The following SETX variants were observed in gnomAD, a reference collection of about 807,000 sequenced individuals.
SETX encodes the protein helicase senataxin.
In SETX, 90 loss-of-function variants were observed where a neutral mutation model predicts 227.2. The observed-to-expected ratio is 0.40, with a 90% CI of 0.33 to 0.47. The LOEUF is 0.47. SETX is among the 20% of genes least tolerant of loss of function. The pLI is 0.91. For missense variants in SETX, 3,052 were observed against 3,181.5 expected (o/e 0.96, Z 0.98); for synonymous variants, 1,210 against 1,113.2 (o/e 1.09, Z -1.73).
rs575090437 is a variant in SETX, at chr9:132,320,302, G to A, written c.5274+6022C>T. Among the ~76,000 whole-genome samples, 5 of 152,238 alleles carry A rather than the reference G, an allele frequency of 3.3e-5. No homozygotes were observed. In the South Asian group the frequency reaches 8.3e-4, roughly 25 times the overall value. On this transcript the variant is annotated intron_variant, in intron 10 of 25. Coordinates refer to ENST00000224140, the MANE Select transcript of SETX (RefSeq NM_015046.7). Reference sequence around the variant, plus strand: ...CCCAAAAAAAAAGTCTAGGCCGGGCGCAGTGGCTCACGCCTGTAATCCCAG... The same window carrying A: ...CCCAAAAAAAAAGTCTAGGCCGGGCACAGTGGCTCACGCCTGTAATCCCAG...
chr9:132,329,679 G>C lies in SETX; in HGVS notation c.1919C>G (p.Ala640Gly), dbSNP rs998278975. 55 of 1,613,824 alleles carry C rather than the reference G, an allele frequency of 3.4e-5. No homozygotes were observed. Among genetic ancestry groups the C allele is most frequent in the Non-Finnish European group, 4.3e-5 (51 of 1,179,974 alleles). ...TTCTTTAGAAAATGTTGGGCTGGAA[G>C]CTTCCAAACAATGCATATCTTTTCT... ...TSRKDMHCLE[A>G]SSPTFSKEPM... The change falls in exon 10 of 26, where the codon GCT becomes GGT. Residue 640 changes from alanine (A) to glycine (G), a missense_variant. Transcript: ENST00000224140.
rs141440621 is a variant in SETX at position 132,296,997 on chromosome 9, C to T, written c.5839G>A (p.Ala1947Thr). The T allele has an allele frequency of 1.9e-5, 30 of 1,613,556 alleles. No homozygotes were observed. The Admixed American group carries it at 2.5e-4, about 13-fold the overall frequency. ...ACTGATGGTGAGTGTTTCACCATAG[C>T]ATATGCAGTTTCTATTGCTTTCTTT... The part of the protein sequence containing the change: ...DQKKAIETAY[A>T]MVKHSPSVAK... The change falls in exon 14 of 26, where the codon GCT becomes ACT. Residue 1947 changes from alanine to threonine, a missense_variant. Physicochemically the swap from Ala to Thr is moderately conservative, Grantham distance 58. Around this residue, in one of 10 missense-constraint regions of SETX, gnomAD observed 239 missense variants for 272.1 expected, o/e 0.88. Coordinates refer to ENST00000224140, the MANE Select transcript of SETX (RefSeq NM_015046.7).
chr9:132,305,729 GAC>G (rs1845295926), intron 11 of SETX, among the ~76,000 whole-genome samples: 1 of 152,266 alleles, frequency 6.6e-6, no homozygotes, highest in African/African-American at 2.4e-5. Context: ...GGCCATGAAA[GAC>G]AGAGAGAATG....
At chr9:132,268,132 G>A (rs1489475455) in intron 25 of SETX, among the ~76,000 whole-genome samples, 1 of 152,154 alleles carries the variant, frequency 6.6e-6, no homozygotes, top group Non-Finnish European at 1.5e-5. Flanking sequence ...AGATGCTTAT[G>A]GTCACAGGAA....
intron 17 of SETX, among the ~76,000 whole-genome samples, chr9:132,287,806 C>T (rs1844009266): frequency 6.8e-6 from 1 of 146,370 alleles, no homozygotes; most frequent in South Asian, 2.2e-4. Context: ...TAATCTGAGA[C>T]ACATTTTTAG....
At position 132,326,726 on chromosome 9, in the gene SETX, T is replaced by C. The variant is rs567475841; in HGVS notation, c.4872A>G (p.Leu1624=). 55 of 1,614,092 alleles carry C rather than the reference T, an allele frequency of 3.4e-5. No individual in the cohort carries two copies. Among genetic ancestry groups the C allele is most frequent in the Non-Finnish European group, 4.2e-5 (49 of 1,180,034 alleles). ...ACTGTATCCCCTTTGACTTATTTTT[T>C]AGAGACGGTGAAAGTGCTGAAGAAG... ...LETSSALSPS[L]KNKSKGIQSI... Residue 1624 remains leucine (L), a synonymous_variant, in exon 10 of 26, where the codon CTA becomes CTG. Transcript: ENST00000224140.
chr9:132,298,060 T>G lies in SETX; in HGVS notation c.5781+20A>C. ...AACATCTTAACATGAAATTATCTAG[T>G]ATCATACATCATCACTCACAATTCT... On this transcript the variant is annotated intron_variant, in intron 13 of 25. Transcript: ENST00000224140. 3.9e-6 allele frequency: 6 copies of G among 1,547,772 alleles called. No individual in the cohort carries two copies. Among genetic ancestry groups the G allele is most frequent in the Non-Finnish European group, 4.4e-6 (5 of 1,130,226 alleles).
At chr9:132,284,470 C>G (rs372569359) in intron 18 of SETX, among the ~76,000 whole-genome samples, 2 of 152,196 alleles carry the variant, frequency 1.3e-5, no homozygotes, top group South Asian at 2.1e-4. Context: ...AGCAAAAATA[C>G]TACTAACGTC....
chr9:132,285,725 C>T (rs944513088), intron 18 of SETX, among the ~76,000 whole-genome samples: 1 of 150,396 alleles, frequency 6.6e-6, no homozygotes, highest in Non-Finnish European at 1.5e-5. Context: ...ACTAAAAATA[C>T]AAAATTTAGT....
At chr9:132,317,684 A>G (rs1287600266) in intron 10 of SETX, among the ~76,000 whole-genome samples, 1 of 151,798 alleles carries the variant, frequency 6.6e-6, no homozygotes, top group Non-Finnish European at 1.5e-5. Flanking sequence ...GCTGGTCTCA[A>G]GCTCCCAGGC....
chr9:132,330,991 A>C (rs2131466351), intron 9 of SETX, 61 bp downstream of exon 9: 1 of 1,291,172 alleles, frequency 7.7e-7, no homozygotes, highest in African/African-American at 1.4e-5. Context: ...AAATTATACA[A>C]AATAGTCTAC....
At chr9:132,277,029 A>G (rs767235444) in intron 22 of SETX, 31 bp downstream of exon 22, 1 of 1,546,718 alleles carries the variant, frequency 6.5e-7, no homozygotes, top group Non-Finnish European at 8.9e-7. Flanking sequence ...TTCTGGGACT[A>G]TCAGAGGACT....
chr9:132,324,557 A>G lies in SETX; in HGVS notation c.5274+1767T>C, dbSNP rs1436858496. Reference sequence around the variant, plus strand: ...CCTAGTCACTTGGGTCTCAGTGTAAATATCATCTGCTCATAGAGGTTATCT... The same window carrying G: ...CCTAGTCACTTGGGTCTCAGTGTAAGTATCATCTGCTCATAGAGGTTATCT... On this transcript the variant is annotated intron_variant, in intron 10 of 25. Transcript: ENST00000224140. 7.2e-5 allele frequency among the ~76,000 whole-genome samples: 11 copies of G among 152,148 alleles called. No homozygotes were observed. In the South Asian group the frequency reaches 1.7e-3, roughly 23 times the overall value.
At chr9:132,312,308 G>A (rs1845711724) in intron 10 of SETX, among the ~76,000 whole-genome samples, 1 of 152,110 alleles carries the variant, frequency 6.6e-6, no homozygotes, top group African/African-American at 2.4e-5. Context: ...CATCCTGCCA[G>A]TTTATAAAAT....
At chr9:132,284,791 G>C (rs191476689) in intron 18 of SETX, among the ~76,000 whole-genome samples, 2 of 151,932 alleles carry the variant, frequency 1.3e-5, no homozygotes, top group Non-Finnish European at 2.9e-5. Context: ...TGGAGCTCTG[G>C]AGGGCTCACA....
At chr9:132,313,488 G>C (rs1226411767) in intron 10 of SETX, among the ~76,000 whole-genome samples, 1 of 152,156 alleles carries the variant, frequency 6.6e-6, no homozygotes, top group Non-Finnish European at 1.5e-5. Context: ...ACCGATTAAT[G>C]ATAGCTGAAA....
chr9:132,350,663 A>G (rs1848553317), intron 2 of SETX, among the ~76,000 whole-genome samples: 1 of 152,232 alleles, frequency 6.6e-6, no homozygotes, highest in Non-Finnish European at 1.5e-5. Context: ...TTTAAAATTT[A>G]TTAAATATTA....
intron 7 of SETX, among the ~76,000 whole-genome samples, chr9:132,331,750 C>T (rs1847251031): frequency 6.6e-6 from 1 of 152,040 alleles, no homozygotes; most frequent in South Asian, 2.1e-4. Flanking sequence ...AATCTTTTCA[C>T]ACCCTGTTTG....
chr9:132,336,621 G>A (rs570789394), intron 5 of SETX, 106 bp from the exon 6 acceptor site: 177 of 858,408 alleles, frequency 2.1e-4, no homozygotes, highest in Non-Finnish European at 3.3e-4. Context: ...AAAGACATGT[G>A]ACATATTAAT....
Sources: allele counts gnomAD v4.1 joint callset (sites outside exome capture counted in the v4.1 genomes callset), GRCh38; gene constraint gnomAD v4.1.1; regional missense constraint gnomAD v4.1.1; transcripts MANE v1.5; gene names NCBI Gene and HGNC (gene_info 2026-07-23, HGNC 2026-07-21).